CELF2: variants seen among roughly 807,000 people sequenced by gnomAD.
The protein encoded by CELF2 is CUGBP Elav-like family member 2.
CELF2 carries 8 observed loss-of-function variants against 62.6 expected under a neutral mutation model. The ratio of observed to expected loss-of-function variants is 0.13; its 90% CI spans 0.07 to 0.23. The LOEUF (loss-of-function observed/expected upper bound fraction) is 0.23, where lower values mean the gene tolerates loss of function less well. CELF2 is among the 10% of genes least tolerant of loss of function. The probability of loss-of-function intolerance (pLI) is 1.00; values close to 1 mark genes in which losing one functional copy is unlikely to be tolerated. For synonymous variants in CELF2, 258 were observed against 250.0 expected, an observed-to-expected ratio of 1.03 and a Z score of -0.30; for missense variants, 333 against 671.0, an observed-to-expected ratio of 0.50 and a Z score of 5.56.
chr10:11,130,768 G>T (rs1016018378), intron 1 of CELF2, among the ~76,000 whole-genome samples: 1 of 152,164 alleles, frequency 6.6e-6, no homozygotes, highest in South Asian at 2.1e-4. Flanking sequence ...TTGAAACATA[G>T]TCTGTTATTA....
At position 11,199,886 on chromosome 10, in the gene CELF2, T is replaced by C. The variant is rs528503863; in HGVS notation, c.272-17539T>C. Among the ~76,000 whole-genome samples the C allele has an allele frequency of 3.9e-5, 6 of 152,300 alleles. No individual in the cohort carries two copies. The South Asian group carries it at 1.2e-3, about 32-fold the overall frequency. On this transcript the variant is annotated intron_variant, in intron 2 of 12. Transcript: ENST00000633077. ...AGCTAGAGGTAACCTGGAAGTGTCC[T>C]AATTGGATGGCCTGAATTTCTCACC...
chr10:11,254,679 G>A (rs1406149681), intron 4 of CELF2, among the ~76,000 whole-genome samples: 1 of 152,236 alleles, frequency 6.6e-6, no homozygotes, highest in Non-Finnish European at 1.5e-5. Context: ...AGGTTTAGCA[G>A]TGAAACCAAG....
At chr10:10,752,459 C>A in the CELF2 span, among the ~76,000 whole-genome samples, 733 of 151,984 alleles carry the variant, frequency 4.8e-3, 7 homozygotes, top group South Asian at 0.029. Context: ...GGGAGGCCAA[C>A]GTGGGCAGAT....
chr10:10,868,048 T>C (rs917662800), intron 1 of CELF2, among the ~76,000 whole-genome samples: 3 of 152,264 alleles, frequency 2.0e-5, no homozygotes, highest in African/African-American at 7.2e-5. Flanking sequence ...GTGTCTTTTC[T>C]GCCTTCCTCC....
chr10:11,282,387 G>A (rs560315119), intron 8 of CELF2, among the ~76,000 whole-genome samples: 12 of 152,262 alleles, frequency 7.9e-5, no homozygotes, highest in Admixed American at 5.9e-4. Context: ...ATGGCTCATG[G>A]TGTTTTCACC....
rs2056306134 is a variant in CELF2 at position 10,814,915 on chromosome 10, A to T, written c.53+16098A>T. On this transcript the variant is annotated intron_variant, in intron 1 of 13. Coordinates refer to the CELF2 transcript ENST00000636488. ...CGTCTAGAGCACCTAGGGCATGAAG[A>T]CCTGACTTGGATTGAGTTCCTTCCT... Among the ~76,000 whole-genome samples the T allele has an allele frequency of 2.6e-5, 4 of 152,094 alleles. No homozygotes were observed. In the South Asian group the frequency reaches 8.3e-4, roughly 32 times the overall value.
intron 1 of CELF2, among the ~76,000 whole-genome samples, chr10:11,114,600 T>C (rs560413144): frequency 7.2e-5 from 11 of 152,236 alleles, no homozygotes; most frequent in Non-Finnish European, 1.0e-4. Context: ...ATATCTGTTC[T>C]TTGTATGAGG....
At chr10:10,779,979 T>C in the CELF2 span, among the ~76,000 whole-genome samples, 1 of 151,986 alleles carries the variant, frequency 6.6e-6, no homozygotes, top group Non-Finnish European at 1.5e-5. Context: ...TTCAAGGTGA[T>C]GGGAGGTTAG....
At chr10:11,179,639 A>G (rs1201553496) in intron 2 of CELF2, among the ~76,000 whole-genome samples, 1 of 152,224 alleles carries the variant, frequency 6.6e-6, no homozygotes, top group Non-Finnish European at 1.5e-5. Flanking sequence ...GCCGCATCCC[A>G]GGAATACAAA....
chr10:10,848,426 A>G (rs1183998705), intron 1 of CELF2, among the ~76,000 whole-genome samples: 1 of 152,234 alleles, frequency 6.6e-6, no homozygotes, highest in Non-Finnish European at 1.5e-5. Flanking sequence ...TGTGAAACTT[A>G]AAAACTTCTA....
intron 2 of CELF2, among the ~76,000 whole-genome samples, chr10:11,166,701 A>C (rs1354831034): frequency 1.3e-5 from 2 of 152,072 alleles, no homozygotes; most frequent in African/African-American, 4.8e-5. Context: ...TGCTTCTCCT[A>C]AGACCTCTGA....
At chr10:11,323,969 A>G (rs2095591749) in intron 11 of CELF2, among the ~76,000 whole-genome samples, 1 of 151,740 alleles carries the variant, frequency 6.6e-6, no homozygotes. Flanking sequence ...GATATACAAA[A>G]CCAAACTGTT....
At chr10:11,134,120 A>C (rs1437655705) in intron 1 of CELF2, among the ~76,000 whole-genome samples, 1 of 152,220 alleles carries the variant, frequency 6.6e-6, no homozygotes, top group Non-Finnish European at 1.5e-5. Context: ...AGAGAAGAGG[A>C]TCGCCGTCCT....
At chr10:11,079,743 C>A (rs1008111434) in intron 1 of CELF2, among the ~76,000 whole-genome samples, 1 of 77,250 alleles carries the variant, frequency 1.3e-5, no homozygotes, top group Non-Finnish European at 2.5e-5. Context: ...CTAATACAGC[C>A]CCCCCCCCCT....
At chr10:10,656,466 C>G in the CELF2 span, among the ~76,000 whole-genome samples, 4 of 135,058 alleles carry the variant, frequency 3.0e-5, no homozygotes, top group Non-Finnish European at 4.8e-5. Flanking sequence ...GACTTGGAAC[C>G]AACCCAAATG....
At chr10:10,924,280 CCAAA>C (rs1182080335) in intron 2 of CELF2, among the ~76,000 whole-genome samples, 1 of 52,654 alleles carries the variant, frequency 1.9e-5, no homozygotes, top group African/African-American at 5.2e-5. Flanking sequence ...AGACTCCGTC[CCAAA>C]AAAAAAAAAA....
chr10:11,019,857 A>G (rs906505963), intron 1 of CELF2, among the ~76,000 whole-genome samples: 1 of 152,182 alleles, frequency 6.6e-6, no homozygotes, highest in African/African-American at 2.4e-5. Flanking sequence ...AGCTAGTATG[A>G]AAGTTTTATG....
rs1233003184 is a variant in CELF2 at position 11,300,145 on chromosome 10, CAG to C, written c.976+11596_976+11597del. On this transcript the variant is annotated intron_variant, in intron 9 of 12. Transcript: ENST00000633077. The surrounding 1 kb of genome is among the most constrained non-coding windows in gnomAD (Gnocchi z 5.5). The stretch of plus-strand genomic sequence containing the variant: ...AAGTAGATTTCTTAGATCCACTAGA[CAG>C]AGCTTCCACAAGCCTTTGGGAATGA... 6.6e-6 allele frequency among the ~76,000 whole-genome samples: 1 copy of C among 152,186 alleles called. No homozygotes were observed. The highest frequency in any genetic ancestry group is 1.5e-5 in the Non-Finnish European group (1 of 68,034).
the CELF2 span, among the ~76,000 whole-genome samples, chr10:10,758,139 C>A: frequency 1.1e-4 from 17 of 152,266 alleles, no homozygotes; most frequent in African/African-American, 3.9e-4. Flanking sequence ...ATTTCAAATT[C>A]TTTTTATTGA....
Sources: gnomAD v4.1 joint callset for allele counts (sites outside exome capture counted in the v4.1 genomes callset) on GRCh38, gnomAD v4.1.1 for gene constraint, Gnocchi (gnomAD v3.1) non-coding constraint, MANE v1.5 for transcripts, NCBI Gene and HGNC (gene_info 2026-07-23, HGNC 2026-07-21) for gene names.